BCR: variants seen among roughly 807,000 people sequenced by gnomAD.
BCR encodes the protein breakpoint cluster region protein.
In BCR, 58 loss-of-function variants were observed where a neutral mutation model predicts 138.6. That is an observed-to-expected ratio of 0.42 (90% CI 0.34 to 0.52). The LOEUF is 0.52. Among genes scored for constraint, BCR ranks in the 20% least tolerant of loss-of-function variants. The pLI, the probability that BCR is intolerant of heterozygous loss-of-function variation, is 0.06. For missense variants in BCR, 1,599 were observed against 1,727.2 expected, an observed-to-expected ratio of 0.93 and a Z score of 1.32; for synonymous variants, 786 against 730.1, an observed-to-expected ratio of 1.08 and a Z score of -1.23.
At chr22:23,310,559 A>C (rs1028870974) in intron 18 of BCR, 126 bp downstream of exon 18, 1 of 625,244 alleles carries the variant, frequency 1.6e-6, no homozygotes, top group Non-Finnish European at 3.0e-6. Context: ...GTCAGGCCCC[A>C]GGGAACACGG....
At chr22:23,199,949 G>A (rs1367957061) in intron 1 of BCR, among the ~76,000 whole-genome samples, 2 of 152,074 alleles carry the variant, frequency 1.3e-5, no homozygotes, top group East Asian at 1.9e-4. Context: ...TTAGCCGGGC[G>A]TGGTGGCGGG....
intron 14 of BCR, 109 bp from the exon 15 acceptor site, chr22:23,292,432 T>C (rs748360625): frequency 2.3e-6 from 2 of 882,496 alleles, no homozygotes; most frequent in Non-Finnish European, 3.6e-6. Context: ...ACAACCTTTT[T>C]TTTTTATTTT....
rs1054867241 is a variant in BCR at position 23,289,422 on chromosome 22, C to T, written c.2603-95C>T. The stretch of plus-strand genomic sequence containing the variant: ...CCCTGGCACCAGTTCTTGCCGTGCC[C>T]CTTCCCCAGGGTGTGTGGTGGAGGT... On this transcript the variant is annotated intron_variant, in intron 12 of 22. Coordinates refer to ENST00000305877, the MANE Select transcript of BCR (RefSeq NM_004327.4). 2.8e-6 allele frequency: 3 copies of T among 1,071,154 alleles called. No individual in the cohort carries two copies. In the East Asian group the frequency reaches 7.2e-5, roughly 26 times the overall value. 66.4% of individuals were successfully genotyped at this position (1,071,154 alleles called of 1,614,324 possible).
At position 23,181,844 on chromosome 22, in the gene BCR, C is replaced by T. The variant is rs372716390; in HGVS notation, c.884C>T (p.Pro295Leu). 1 of 1,612,232 alleles carries T rather than the reference C, an allele frequency of 6.2e-7. No individual in the cohort carries two copies. The highest frequency in any genetic ancestry group is 1.1e-5 in the South Asian group (1 of 91,078). Reference protein sequence around the residue: ...GGMMEGEGKGPLLRSQSTSEQ... With the variant: ...GGMMEGEGKGLLLRSQSTSEQ... Reference sequence around the variant, plus strand: ...ATGATGGAAGGGGAGGGCAAGGGCCCGCTCCTGCGCAGCCAGAGCACCTCT... The same window carrying T: ...ATGATGGAAGGGGAGGGCAAGGGCCTGCTCCTGCGCAGCCAGAGCACCTCT... Residue 295 changes from proline to leucine, a missense_variant, in exon 1 of 23, where the codon CCG becomes CTG. Coordinates refer to ENST00000305877, the MANE Select transcript of BCR (RefSeq NM_004327.4).
At chr22:23,292,709 T>A in intron 15 of BCR, 71 bp downstream of exon 15, 1 of 1,387,332 alleles carries the variant, frequency 7.2e-7, no homozygotes, top group Non-Finnish European at 1.0e-6. Flanking sequence ...GGAGATAATC[T>A]AAACCTTCAG....
intron 1 of BCR, among the ~76,000 whole-genome samples, chr22:23,253,468 G>A (rs1411112335): frequency 6.6e-6 from 1 of 152,212 alleles, no homozygotes; most frequent in African/African-American, 2.4e-5. Flanking sequence ...TTACTTTGGA[G>A]ATTCCAAGGG....
intron 16 of BCR, among the ~76,000 whole-genome samples, chr22:23,302,075 C>G (rs572965830): frequency 6.6e-6 from 1 of 151,944 alleles, no homozygotes; most frequent in African/African-American, 2.4e-5. Context: ...ATTTCTAGAG[C>G]CCCCCCACCG....
intron 1 of BCR, among the ~76,000 whole-genome samples, chr22:23,233,160 A>C (rs868273530): frequency 6.6e-6 from 1 of 152,170 alleles, no homozygotes; most frequent in African/African-American, 2.4e-5. Flanking sequence ...TATACAGAGC[A>C]TCCACATCAG....
rs747930520 is a variant in BCR at position 23,285,019 on chromosome 22, C to T, written c.2238-14C>T. On this transcript the variant is annotated splice_polypyrimidine_tract_variant and intron_variant, in intron 9 of 22. Transcript: ENST00000305877. ...AGTCGGTGCATGTGAACGTTCTTCTCTCCCCATCCCCAGCAAAACGCAGCA... is the reference window on the plus strand; with the variant it reads ...AGTCGGTGCATGTGAACGTTCTTCTTTCCCCATCCCCAGCAAAACGCAGCA... The T allele has an allele frequency of 6.8e-6, 11 of 1,609,538 alleles. No individual in the cohort carries two copies.
At chr22:23,195,113 C>T (rs1056331591) in intron 1 of BCR, among the ~76,000 whole-genome samples, 2 of 151,626 alleles carry the variant, frequency 1.3e-5, no homozygotes, top group Non-Finnish European at 2.9e-5. Context: ...GTCGTCTCTA[C>T]CAAAAATACA....
intron 2 of BCR, among the ~76,000 whole-genome samples, chr22:23,259,517 AT>A (rs1245128304): frequency 0.018 from 2,536 of 141,064 alleles, 57 homozygotes; most frequent in African/African-American, 0.056. Context: ...CAAAAAAAAA[AT>A]TTTTTTTTTT....
chr22:23,254,063 G>T, intron 2 of BCR, 83 bp downstream of exon 2: 1 of 1,435,928 alleles, frequency 7.0e-7, no homozygotes, highest in Non-Finnish European at 9.3e-7. Flanking sequence ...GTATGTAGCA[G>T]GTAGGTGGTG....
At chr22:23,258,267 GGCTTTTTAGATGGTCCCAGT>G (rs983219279) in intron 2 of BCR, among the ~76,000 whole-genome samples, 150 of 152,288 alleles carry the variant, frequency 9.8e-4, no homozygotes, top group African/African-American at 3.4e-3. Flanking sequence ...GGCCCAGGAA[GGCTTTTTAGATGGTCCCAGT>G]GGGCAAGTGA....
Position 23,290,270 on chromosome 22 carries a change from A to G in BCR, c.2708-69A>G, listed in dbSNP as rs16999170. 5.6e-4 allele frequency: 826 copies of G among 1,480,510 alleles called. 5 individuals carry two copies. In the African/African-American group the frequency reaches 8.8e-3, roughly 16 times the overall value. The allele number at this position is 1,480,510 out of a possible 1,614,324, so 91.7% of individuals were successfully genotyped here. The stretch of plus-strand genomic sequence containing the variant: ...TCCACCGGATGGTTGATTTTGAAGC[A>G]GAGTTAGCTTGTCACCTGCCTCCCT... On this transcript the variant is annotated intron_variant, in intron 13 of 22. Transcript: ENST00000305877.
At chr22:23,243,679 C>T (rs988584484) in intron 1 of BCR, among the ~76,000 whole-genome samples, 2 of 149,566 alleles carry the variant, frequency 1.3e-5, no homozygotes, top group African/African-American at 2.5e-5. Context: ...GATGGAGCCT[C>T]GCTCTGTTGC....
At chr22:23,278,842 G>A (rs558820234) in intron 8 of BCR, among the ~76,000 whole-genome samples, 1 of 152,340 alleles carries the variant, frequency 6.6e-6, no homozygotes, top group African/African-American at 2.4e-5. Context: ...GACAGGATGG[G>A]TGGGGTTCTC....
At chr22:23,283,819 C>T (rs2073677664) in intron 8 of BCR, 158 bp from the exon 9 acceptor site, 5 of 965,032 alleles carry the variant, frequency 5.2e-6, no homozygotes, top group Non-Finnish European at 7.4e-6. Flanking sequence ...ACAAAACGTT[C>T]TGGAAAGTGG....
chr22:23,266,547 G>A (rs1055295569), intron 4 of BCR, among the ~76,000 whole-genome samples: 7 of 151,880 alleles, frequency 4.6e-5, no homozygotes, highest in African/African-American at 9.7e-5. Context: ...GCGCCGTCAC[G>A]CCCGTCTAAT....
intron 1 of BCR, among the ~76,000 whole-genome samples, chr22:23,246,704 A>G (rs372560624): frequency 9.9e-5 from 15 of 152,116 alleles, no homozygotes; most frequent in African/African-American, 2.9e-4. Flanking sequence ...ATTCCAAGAG[A>G]TGATACGTGG....
Sources: gnomAD v4.1 joint callset for allele counts (sites outside exome capture counted in the v4.1 genomes callset) on GRCh38, gnomAD v4.1.1 for gene constraint, MANE v1.5 for transcripts, NCBI Gene and HGNC (gene_info 2026-07-23, HGNC 2026-07-21) for gene names.